ARID1B: variants seen among roughly 807,000 people sequenced by gnomAD.
ARID1B encodes AT-rich interactive domain-containing protein 1B.
Under a neutral mutation model 212.3 loss-of-function variants are expected in ARID1B, and 30 were observed. The ratio of observed to expected loss-of-function variants is 0.14; its 90% CI spans 0.11 to 0.19. ARID1B has a LOEUF of 0.19. Ranked by LOEUF, ARID1B falls within the 10% of genes least tolerant of loss-of-function variation. The pLI, the probability that ARID1B is intolerant of heterozygous loss-of-function variation, is 1.00. For synonymous variants in ARID1B, 1,402 were observed against 1,301.7 expected, an observed-to-expected ratio of 1.08 and a Z score of -1.66; for missense variants, 2,891 against 3,204.0, an observed-to-expected ratio of 0.90 and a Z score of 2.36.
intron 12 of ARID1B, among the ~76,000 whole-genome samples, chr6:157,182,902 A>G (rs557684229): frequency 1.5e-3 from 223 of 152,198 alleles, no homozygotes; most frequent in African/African-American, 4.9e-3. Flanking sequence ...CTCTTCTGAC[A>G]TGGATTTTTT....
intron 2 of ARID1B, among the ~76,000 whole-genome samples, chr6:156,865,089 T>C (rs570135024): frequency 1.3e-5 from 2 of 152,330 alleles, no homozygotes; most frequent in Admixed American, 6.5e-5. Context: ...GATTTCTGGC[T>C]TGCTCCAGTC....
chr6:156,895,533 T>C (rs1174941666), intron 2 of ARID1B, among the ~76,000 whole-genome samples: 2 of 152,236 alleles, frequency 1.3e-5, no homozygotes, highest in African/African-American at 4.8e-5. Flanking sequence ...GAAGGACACC[T>C]CCTGGGGTGT....
intron 2 of ARID1B, among the ~76,000 whole-genome samples, chr6:156,891,900 C>G (rs1476444171): frequency 1.4e-5 from 2 of 141,934 alleles, no homozygotes; most frequent in Non-Finnish European, 3.0e-5. Flanking sequence ...GAGACGGAGT[C>G]TCACACTTTC....
intron 2 of ARID1B, 44 bp from the exon 3 acceptor site, chr6:156,901,332 G>T (rs756879909): frequency 6.2e-7 from 1 of 1,611,312 alleles, no homozygotes; most frequent in South Asian, 1.1e-5. Flanking sequence ...TCATTTAATT[G>T]CACATTTTGA....
Position 157,167,176 on chromosome 6 carries a change from A to T in ARID1B, c.3226A>T (p.Ser1076Cys). The change falls in exon 9 of 20, where the codon AGC becomes TGC. Residue 1076 changes from serine (S) to cysteine (C), a missense_variant. Coordinates refer to ENST00000636930, the MANE Select transcript of ARID1B (RefSeq NM_001374828.1). Reference sequence around the variant, plus strand: ...CAGCATGGCGCCCGCCATGGTGAACAGCTCGGCAGGTAACCTTGGCAGCTC... The same window carrying T: ...CAGCATGGCGCCCGCCATGGTGAACTGCTCGGCAGGTAACCTTGGCAGCTC... ...PYSMAPAMVN[S>C]SAASVGLADM... 6.2e-7 allele frequency: 1 copy of T among 1,607,126 alleles called. No homozygotes were observed. Among genetic ancestry groups the T allele is most frequent in the Non-Finnish European group, 8.5e-7 (1 of 1,179,646 alleles).
chr6:157,210,394 AAATAATT>A lies in ARID1B; in HGVS notation c.*2506_*2512del, dbSNP rs1794698229. ...AATTCCTTTGTCAATCAGAAGAGTAAAATAATTAACAAAAGACTGTTGTTATGGTTTG... is the reference window on the plus strand; with the variant it reads ...AATTCCTTTGTCAATCAGAAGAGTAAAACAAAAGACTGTTGTTATGGTTTG... On this transcript the variant is annotated 3_prime_UTR_variant, in exon 20 of 20. Transcript: ENST00000636930. 1 of 230,508 alleles carries A rather than the reference AAATAATT, an allele frequency of 4.3e-6. No individual in the cohort carries two copies. The highest frequency in any genetic ancestry group is 5.7e-5 in the Admixed American group (1 of 17,686). 14.3% of individuals were successfully genotyped at this position (230,508 alleles called of 1,614,324 possible). A position where few individuals can be genotyped will look rare whatever the true frequency, so the allele number is the denominator to read the frequency against.
intron 4 of ARID1B, among the ~76,000 whole-genome samples, chr6:156,978,152 C>A (rs1170260051): frequency 6.6e-6 from 1 of 152,208 alleles, no homozygotes; most frequent in Non-Finnish European, 1.5e-5. Context: ...CTTTCCCTGT[C>A]TCTTACGCTT....
chr6:156,777,833 G>A lies in ARID1B; in HGVS notation c.153G>A (p.Ala51=). ...EAGARGAAAA[A]AAPGPMLGGG... is the part of the protein sequence containing the mutation. ...GGGCGCGCGGCGCGGCGGCGGCGGC[G>A]GCGGCACCGGGACCCATGCTGGGGG... Residue 51 remains alanine, a synonymous_variant, in exon 1 of 20, where the codon GCG becomes GCA. Coordinates refer to ENST00000636930, the MANE Select transcript of ARID1B (RefSeq NM_001374828.1). 1.8e-6 allele frequency: 2 copies of A among 1,137,108 alleles called. No homozygotes were observed. Among genetic ancestry groups the A allele is most frequent in the Non-Finnish European group, 1.1e-6 (1 of 926,122 alleles). The allele number at this position is 1,137,108 out of a possible 1,614,324, so 70.4% of individuals were successfully genotyped here.
intron 1 of ARID1B, among the ~76,000 whole-genome samples, chr6:156,781,574 CAAAT>C (rs914822340): frequency 6.6e-6 from 1 of 152,030 alleles, no homozygotes; most frequent in Non-Finnish European, 1.5e-5. Context: ...CTGAATTTAA[CAAAT>C]AATCTTGTGA....
intron 9 of ARID1B, chr6:157,167,635 G>C (rs1455005582): frequency 6.4e-6 from 1 of 155,172 alleles, no homozygotes; most frequent in East Asian, 1.9e-4. Flanking sequence ...ATGTATGCTC[G>C]GAAGTAGCTG....
intron 6 of ARID1B, among the ~76,000 whole-genome samples, 199 bp from the exon 7 acceptor site, chr6:157,132,829 A>C (rs1160470891): frequency 6.6e-6 from 1 of 152,212 alleles, no homozygotes; most frequent in Admixed American, 6.5e-5. Flanking sequence ...TTGGGAATTC[A>C]GGGTTAGGAC....
chr6:157,104,166 C>T (rs1786299474), intron 5 of ARID1B, among the ~76,000 whole-genome samples: 1 of 152,186 alleles, frequency 6.6e-6, no homozygotes, highest in Non-Finnish European at 1.5e-5. Context: ...ATACCATAAA[C>T]ATACATCTGG....
In ARID1B at chr6:156,779,311, G is replaced by GGGCGGCGGCGGGCGGCCAGCA. The variant is rs1779006073; in HGVS notation, c.1638_1658dup (p.Gly549_Gly555dup). ...CCCCAGTCCCAGGCGGCGGCGGCGG[G>GGGCGGCGGCGGGCGGCCAGCA]GGCGGCGGCGGGCGGCCAGCAGGCG... On this transcript the variant is annotated inframe_insertion, in exon 1 of 20. Coordinates refer to ENST00000636930, the MANE Select transcript of ARID1B (RefSeq NM_001374828.1). 1 of 1,133,696 alleles carries GGGCGGCGGCGGGCGGCCAGCA rather than the reference G, an allele frequency of 8.8e-7. No homozygotes were observed. Among genetic ancestry groups the GGGCGGCGGCGGGCGGCCAGCA allele is most frequent in the South Asian group, 4.3e-5 (1 of 23,364 alleles). 70.2% of individuals were successfully genotyped at this position (1,133,696 alleles called of 1,614,324 possible).
intron 2 of ARID1B, among the ~76,000 whole-genome samples, chr6:156,860,468 C>G (rs1048360398): frequency 6.6e-6 from 1 of 151,740 alleles, no homozygotes; most frequent in African/African-American, 2.4e-5. Context: ...TAGTCAGGAA[C>G]AAGAAGACCA....
chr6:156,956,621 G>A (rs891153655), intron 4 of ARID1B, among the ~76,000 whole-genome samples: 1 of 152,138 alleles, frequency 6.6e-6, no homozygotes, highest in Non-Finnish European at 1.5e-5. Context: ...ATATCTTAAT[G>A]AGATTTCCAT....
At chr6:157,091,372 A>T (rs972443333) in intron 5 of ARID1B, among the ~76,000 whole-genome samples, 24 of 152,214 alleles carry the variant, frequency 1.6e-4, no homozygotes, top group Non-Finnish European at 3.4e-4. Context: ...GTGCTCACCC[A>T]GTCCCACCCT....
intron 4 of ARID1B, 110 bp from the exon 5 acceptor site, chr6:157,084,552 C>T: frequency 2.2e-6 from 3 of 1,380,142 alleles, no homozygotes; most frequent in South Asian, 1.5e-5. Context: ...TGGGTGTTAC[C>T]CAGAAAACCT....
At chr6:156,820,828 T>C (rs1040736706) in intron 1 of ARID1B, among the ~76,000 whole-genome samples, 6 of 152,180 alleles carry the variant, frequency 3.9e-5, no homozygotes, top group South Asian at 2.1e-4. Context: ...AAGGCAAATA[T>C]GGTATTGTAC....
intron 1 of ARID1B, among the ~76,000 whole-genome samples, chr6:156,785,871 CT>C (rs959264162): frequency 2.6e-5 from 4 of 152,180 alleles, no homozygotes; most frequent in Middle Eastern, 6.8e-3. Flanking sequence ...TAGTACATTA[CT>C]TCCTCTCAAT....
Sources: allele counts gnomAD v4.1 joint callset (sites outside exome capture counted in the v4.1 genomes callset), GRCh38; gene constraint gnomAD v4.1.1; transcripts MANE v1.5; gene names NCBI Gene and HGNC (gene_info 2026-07-23, HGNC 2026-07-21).